MESD: variants seen among roughly 807,000 people sequenced by gnomAD.
The protein encoded by MESD is mesoderm development LRP chaperone.
In MESD, 7 loss-of-function variants were observed where a neutral mutation model predicts 12.9. The observed-to-expected ratio is 0.54, with a 90% CI of 0.31 to 1.02. The LOEUF (loss-of-function observed/expected upper bound fraction) is 1.02, where lower values mean the gene tolerates loss of function less well. Among genes scored for constraint, MESD ranks in the 50% least tolerant of loss-of-function variants. MESD has a pLI of 0.05. For synonymous variants in MESD, 126 were observed against 115.6 expected, an observed-to-expected ratio of 1.09 and a Z score of -0.58; for missense variants, 342 against 296.7, an observed-to-expected ratio of 1.15 and a Z score of -1.12.
At chr15:80,974,799 TTAAGTA>T (rs1902370174), downstream of MESD, among the ~76,000 whole-genome samples, 1 of 149,524 alleles carries the variant, frequency 6.7e-6, no homozygotes, top group Non-Finnish European at 1.5e-5. Context: ...TTACTAAATG[TTAAGTA>T]TGAGTTGCAT....
At chr15:80,961,886 A>G (rs938422873) in intron 3 of MESD, among the ~76,000 whole-genome samples, 1 of 152,270 alleles carries the variant, frequency 6.6e-6, no homozygotes, top group Non-Finnish European at 1.5e-5. Flanking sequence ...CTGCAAAAAC[A>G]TGCCAAATTG....
intron 2 of MESD, among the ~76,000 whole-genome samples, chr15:80,981,436 CAAAAAAA>C (rs58445538): frequency 4.1e-5 from 2 of 48,444 alleles, no homozygotes; most frequent in Non-Finnish European, 9.5e-5. Flanking sequence ...GACTCCGTCT[CAAAAAAA>C]AAAAAAAAAA....
chr15:80,960,573 G>C (rs1000164765), intron 3 of MESD, among the ~76,000 whole-genome samples: 1 of 152,070 alleles, frequency 6.6e-6, no homozygotes, highest in African/African-American at 2.4e-5. Flanking sequence ...TCAAATTCTA[G>C]AGGGAAAACA....
Position 80,978,961 on chromosome 15 carries a change from A to C in MESD, c.*258T>G, listed in dbSNP as rs1902496359. 4 of 523,888 alleles carry C rather than the reference A, an allele frequency of 7.6e-6. No homozygotes were observed. The highest frequency in any genetic ancestry group is 1.3e-5 in the Non-Finnish European group (4 of 299,048). 32.5% of individuals were successfully genotyped at this position (523,888 alleles called of 1,614,324 possible). A position where few individuals can be genotyped will look rare whatever the true frequency, so the allele number is the denominator to read the frequency against. On this transcript the variant is annotated 3_prime_UTR_variant, in exon 3 of 3. Transcript: ENST00000261758. ...GTAAATGGGAAAAAGCAACACAGTC[A>C]CATTTCCATGTAAGGAGATTTTATA...
chr15:80,982,009 T>C lies in MESD; in HGVS notation c.387A>G (p.Thr129=), dbSNP rs1429028999. 3 of 1,614,220 alleles carry C rather than the reference T, an allele frequency of 1.9e-6. No homozygotes were observed. The highest frequency in any genetic ancestry group is 4.5e-5 in the East Asian group (2 of 44,888). ...CCTGCCAGAGGCTCGTAATTTCCTC[T>C]GTCTCCTTCTCAGTAGGGCTTCCTG... ...TVSGSPTEKE[T]EEITSLWQGS... The change falls in exon 2 of 3, where the codon ACA becomes ACG. Residue 129 remains threonine, a synonymous_variant. Coordinates refer to ENST00000261758, the MANE Select transcript of MESD (RefSeq NM_015154.3).
chr15:80,983,361 TAGC>T (rs1425754469), intron 1 of MESD, among the ~76,000 whole-genome samples: 4 of 152,216 alleles, frequency 2.6e-5, no homozygotes, highest in Admixed American at 2.6e-4. Context: ...CAATTCCAGT[TAGC>T]AGGTTTGTTT....
intron 3 of MESD, among the ~76,000 whole-genome samples, chr15:80,953,347 C>A (rs558269314): frequency 6.6e-6 from 1 of 152,134 alleles, no homozygotes; most frequent in Non-Finnish European, 1.5e-5. Flanking sequence ...CAGACGCCAA[C>A]GAGGAACCGT....
chr15:80,948,266 G>A (rs1433523656), exon 5 of MESD: 2 of 204,418 alleles, frequency 9.8e-6, no homozygotes, highest in Non-Finnish European at 2.0e-5. Context: ...AGAGTGCTGT[G>A]TGGGTTTCAG....
intron 1 of MESD, among the ~76,000 whole-genome samples, chr15:80,983,251 A>G (rs1028377756): frequency 2.0e-5 from 3 of 152,018 alleles, no homozygotes; most frequent in African/African-American, 4.8e-5. Context: ...TTAAAAGAAA[A>G]AAAAAAAAAG....
rs924994865 is a variant in MESD, at chr15:80,981,786, C to T, written c.446+164G>A. Among the ~76,000 whole-genome samples, 6 of 152,032 alleles carry T rather than the reference C, an allele frequency of 3.9e-5. No individual in the cohort carries two copies. In the East Asian group the frequency reaches 5.8e-4, roughly 15 times the overall value. ...AGGAGAATCGCTTGAACCAGGGAGG[C>T]GGAGGTTGCAGTGAGCCGAGATCAC... On this transcript the variant is annotated intron_variant, in intron 2 of 2. Coordinates refer to ENST00000261758, the MANE Select transcript of MESD (RefSeq NM_015154.3).
At chr15:80,975,202 T>C (rs1233365029), downstream of MESD, among the ~76,000 whole-genome samples, 1 of 145,602 alleles carries the variant, frequency 6.9e-6, no homozygotes, top group African/African-American at 2.5e-5. Context: ...GACACCTCCA[T>C]TTCTCCAAAA....
chr15:80,974,566 G>A (rs1445516376), downstream of MESD, among the ~76,000 whole-genome samples: 8 of 147,590 alleles, frequency 5.4e-5, no homozygotes, highest in South Asian at 2.1e-4. Flanking sequence ...AGATAAAAAC[G>A]GAATATTTAA....
intron 3 of MESD, among the ~76,000 whole-genome samples, chr15:80,962,771 A>T (rs996955304): frequency 6.6e-6 from 1 of 152,210 alleles, no homozygotes; most frequent in Non-Finnish European, 1.5e-5. Context: ...AGAAATAAAG[A>T]TGTTCTTTGA....
chr15:80,973,721 T>G (rs73507444), downstream of MESD, among the ~76,000 whole-genome samples: 2,157 of 152,212 alleles, frequency 0.014, 52 homozygotes, highest in African/African-American at 0.05. Context: ...ACAGATCCTG[T>G]CTTTATTTAG....
At chr15:80,980,968 CG>C (rs1467001325) in intron 2 of MESD, among the ~76,000 whole-genome samples, 1 of 151,736 alleles carries the variant, frequency 6.6e-6, no homozygotes, top group Non-Finnish European at 1.5e-5. Context: ...GGATTACAGG[CG>C]TGCATCACCA....
Position 80,957,713 on chromosome 15 carries a change from A to G in MESD, c.*289-5417T>C, listed in dbSNP as rs147407647. 3.5e-3 allele frequency among the ~76,000 whole-genome samples: 527 copies of G among 152,302 alleles called. 2 individuals carry two copies. Among genetic ancestry groups the G allele is most frequent in the African/African-American group, 0.011 (439 of 41,566 alleles). ...CCCAGGAGAGCTGTGGTGTAGCTCCAGTCTGAAGACTGGCAGGCTCTGAAA... is the reference window on the plus strand; with the variant it reads ...CCCAGGAGAGCTGTGGTGTAGCTCCGGTCTGAAGACTGGCAGGCTCTGAAA... On this transcript the variant is annotated intron_variant, in intron 3 of 4. Transcript: ENST00000561312.
intron 3 of MESD, among the ~76,000 whole-genome samples, chr15:80,968,624 T>C (rs902046895): frequency 2.0e-5 from 3 of 151,880 alleles, no homozygotes; most frequent in Non-Finnish European, 4.4e-5. Flanking sequence ...CAAGGTAAAA[T>C]AGTGAGACCC....
chr15:80,952,449 C>T (rs1215681825), intron 3 of MESD, among the ~76,000 whole-genome samples: 1 of 152,182 alleles, frequency 6.6e-6, no homozygotes, highest in Non-Finnish European at 1.5e-5. Context: ...GTTCCTCAAT[C>T]ACATTGGCCA....
chr15:80,979,580 GAA>G, intron 2 of MESD, 103 bp from the exon 3 acceptor site: 1 of 1,356,740 alleles, frequency 7.4e-7, no homozygotes, highest in Non-Finnish European at 9.9e-7. Flanking sequence ...AATTCTACAT[GAA>G]TATGGAATGA....
Sources: allele counts gnomAD v4.1 joint callset (sites outside exome capture counted in the v4.1 genomes callset), GRCh38; gene constraint gnomAD v4.1.1; transcripts MANE v1.5; gene names NCBI Gene and HGNC (gene_info 2026-07-23, HGNC 2026-07-21).